ENOX1: variants seen among roughly 807,000 people sequenced by gnomAD.
The protein encoded by ENOX1 is ecto-NOX disulfide-thiol exchanger 1.
A neutral mutation model predicts 82.5 loss-of-function variants in ENOX1; 42 were observed. The observed-to-expected ratio is 0.51, with a 90% CI of 0.40 to 0.66. The LOEUF is 0.66. Ranked by LOEUF, ENOX1 falls within the 30% of genes least tolerant of loss-of-function variation. The pLI is 0.00. For missense variants in ENOX1, 608 were observed against 811.6 expected (o/e 0.75, Z 3.05); for synonymous variants, 271 against 282.2 (o/e 0.96, Z 0.40).
intron 2 of ENOX1, among the ~76,000 whole-genome samples, chr13:43,496,503 T>C (rs915907718): frequency 2.6e-5 from 4 of 151,854 alleles, no homozygotes; most frequent in Admixed American, 1.3e-4. Flanking sequence ...CTGCCTCAGC[T>C]TCCCAAGTAG....
rs915562490 is a variant in ENOX1, at chr13:43,361,194, A to G, written c.382+85T>C. 19 of 1,405,124 alleles carry G rather than the reference A, an allele frequency of 1.4e-5. No individual in the cohort carries two copies. The African/African-American group carries it at 2.7e-4, about 20-fold the overall frequency. The allele number at this position is 1,405,124 out of a possible 1,614,324, so 87.0% of individuals were successfully genotyped here. On this transcript the variant is annotated intron_variant, in intron 6 of 16. Coordinates refer to ENST00000690772, the MANE Select transcript of ENOX1 (RefSeq NM_001347969.2). Reference sequence around the variant, plus strand: ...CTCTGTGCATTTACGTGTGAGTCACATCTGAAAATGACTGCAATGCCATTT... The same window carrying G: ...CTCTGTGCATTTACGTGTGAGTCACGTCTGAAAATGACTGCAATGCCATTT...
chr13:43,463,974 A>T (rs2057606682), intron 3 of ENOX1, among the ~76,000 whole-genome samples: 1 of 152,166 alleles, frequency 6.6e-6, no homozygotes, highest in Non-Finnish European at 1.5e-5. Flanking sequence ...ACATCTCCTT[A>T]AGGAGGTTGT....
intron 2 of ENOX1, among the ~76,000 whole-genome samples, chr13:43,529,179 T>C (rs1229219798): frequency 6.6e-6 from 1 of 151,984 alleles, no homozygotes; most frequent in Non-Finnish European, 1.5e-5. Flanking sequence ...CTGTTCTGAG[T>C]AGCATGATGA....
At chr13:43,542,411 C>T (rs2078776556) in intron 2 of ENOX1, among the ~76,000 whole-genome samples, 1 of 148,960 alleles carries the variant, frequency 6.7e-6, no homozygotes, top group Non-Finnish European at 1.5e-5. Flanking sequence ...GGATTATAGG[C>T]TTAAGCCACT....
intron 11 of ENOX1, among the ~76,000 whole-genome samples, chr13:43,322,177 G>A (rs188325983): frequency 3.9e-4 from 59 of 152,306 alleles, no homozygotes; most frequent in African/African-American, 1.2e-3. Context: ...CCAGATCTAC[G>A]TACGGAGAAA....
At chr13:43,424,002 A>T (rs575125241) in intron 3 of ENOX1, among the ~76,000 whole-genome samples, 1 of 152,326 alleles carries the variant, frequency 6.6e-6, no homozygotes, top group Non-Finnish European at 1.5e-5. Flanking sequence ...GTCTTGAGGA[A>T]GGGATAAGGC....
At chr13:43,687,760 G>C (rs796581369) in intron 1 of ENOX1, among the ~76,000 whole-genome samples, 2 of 152,216 alleles carry the variant, frequency 1.3e-5, no homozygotes, top group African/African-American at 2.4e-5. Context: ...GGGAGAAAGA[G>C]AGATAAATCA....
intron 3 of ENOX1, among the ~76,000 whole-genome samples, chr13:43,464,251 A>T (rs2057620306): frequency 6.6e-6 from 1 of 152,218 alleles, no homozygotes; most frequent in African/African-American, 2.4e-5. Context: ...GTGCCTTCAA[A>T]ATATATGAAG....
chr13:43,590,155 AT>A (rs2081180475), intron 2 of ENOX1, among the ~76,000 whole-genome samples: 3 of 152,168 alleles, frequency 2.0e-5, no homozygotes, highest in African/African-American at 4.8e-5. Context: ...AGACAAAAAA[AT>A]AACAAAACAG....
intron 2 of ENOX1, among the ~76,000 whole-genome samples, chr13:43,531,615 A>G (rs898944711): frequency 6.8e-6 from 1 of 146,228 alleles, no homozygotes; most frequent in African/African-American, 2.5e-5. Context: ...CTATAAAGAC[A>G]CATGCACACA....
At chr13:43,322,627 C>A in intron 10 of ENOX1, 126 bp from the exon 11 acceptor site, 1 of 752,242 alleles carries the variant, frequency 1.3e-6, no homozygotes, top group African/African-American at 1.7e-5. Flanking sequence ...CAAATATAGC[C>A]TCACCTAACC....
At position 43,322,452 on chromosome 13, in the gene ENOX1, T is replaced by G; in HGVS notation, c.1193A>C (p.Glu398Ala). ...SEQLMGIRRE[E>A]EMEMSDDENC... ...CTCATCATCAGACATTTCCATTTCTTCTTCGCGGCGGATGCCCATGAGCTG... is the reference window on the plus strand; with the variant it reads ...CTCATCATCAGACATTTCCATTTCTGCTTCGCGGCGGATGCCCATGAGCTG... The change falls in exon 11 of 17, where the codon GAA (glutamate) becomes GCA (alanine). Residue 398 changes from glutamate to alanine, a missense_variant. Physicochemically the swap from Glu to Ala is moderately radical, Grantham distance 107. Transcript: ENST00000690772. 1 of 1,614,124 alleles carries G rather than the reference T, an allele frequency of 6.2e-7. No homozygotes were observed.
Position 43,521,701 on chromosome 13 carries a change from C to T in ENOX1, c.-218-37549G>A, listed in dbSNP as rs552481896. On this transcript the variant is annotated intron_variant, in intron 2 of 16. Coordinates refer to ENST00000690772, the MANE Select transcript of ENOX1 (RefSeq NM_001347969.2). ...AGAAGGCTTTGAGTGCAAAGACCTA[C>T]TGAAAATATAAATGTTCTAATAATG... 2.6e-4 allele frequency among the ~76,000 whole-genome samples: 40 copies of T among 152,252 alleles called. No homozygotes were observed. In the South Asian group the frequency reaches 8.3e-3, roughly 32 times the overall value.
chr13:43,516,224 C>T (rs1271557291), intron 2 of ENOX1, among the ~76,000 whole-genome samples: 1 of 152,070 alleles, frequency 6.6e-6, no homozygotes, highest in East Asian at 1.9e-4. Context: ...AATGTCTTGA[C>T]AGAAAGCCTA....
chr13:43,421,322 C>T (rs1009886978), intron 3 of ENOX1, among the ~76,000 whole-genome samples: 2 of 152,174 alleles, frequency 1.3e-5, no homozygotes, highest in African/African-American at 4.8e-5. Flanking sequence ...GCTGGCAATA[C>T]AACAGACAGT....
intron 3 of ENOX1, among the ~76,000 whole-genome samples, chr13:43,435,271 T>C (rs533379832): frequency 1.5e-4 from 23 of 152,174 alleles, no homozygotes; most frequent in African/African-American, 5.3e-4. Flanking sequence ...GGAGCTAACC[T>C]CACCACTGGG....
intron 3 of ENOX1, among the ~76,000 whole-genome samples, chr13:43,477,126 AT>A (rs1390159439): frequency 6.6e-6 from 1 of 151,502 alleles, no homozygotes; most frequent in Non-Finnish European, 1.5e-5. Flanking sequence ...AACTTAAAAA[AT>A]ATTGCACATA....
intron 11 of ENOX1, among the ~76,000 whole-genome samples, chr13:43,309,085 G>A (rs1445390074): frequency 1.4e-5 from 2 of 147,764 alleles, no homozygotes; most frequent in Non-Finnish European, 3.0e-5. Context: ...GCAGTGGTGT[G>A]ACCTTGGCTC....
chr13:43,276,471 A>C (rs2045039863), intron 12 of ENOX1, among the ~76,000 whole-genome samples: 1 of 152,024 alleles, frequency 6.6e-6, no homozygotes, highest in Non-Finnish European at 1.5e-5. Flanking sequence ...ATCCTGTTAC[A>C]TCCCACCGCC....
Sources: allele counts gnomAD v4.1 joint callset (sites outside exome capture counted in the v4.1 genomes callset), GRCh38; gene constraint gnomAD v4.1.1; transcripts MANE v1.5; gene names NCBI Gene and HGNC (gene_info 2026-07-23, HGNC 2026-07-21).